SLC39A8: variants seen among roughly 807,000 people sequenced by gnomAD.
SLC39A8 encodes the protein metal cation symporter ZIP8.
Under a neutral mutation model 40.4 loss-of-function variants are expected in SLC39A8, and 15 were observed. That is an observed-to-expected ratio of 0.37 (90% confidence interval 0.25 to 0.57). The LOEUF is 0.57. Among genes scored for constraint, SLC39A8 ranks in the 20% least tolerant of loss-of-function variants. The probability of loss-of-function intolerance (pLI) is 0.75; values close to 1 mark genes in which losing one functional copy is unlikely to be tolerated. For missense variants in SLC39A8, 472 were observed against 558.8 expected, an observed-to-expected ratio of 0.84 and a Z score of 1.57; for synonymous variants, 223 against 221.6, an observed-to-expected ratio of 1.01 and a Z score of -0.06.
At chr4:102,255,944 A>T (rs956890629) in intron 11 of SLC39A8, among the ~76,000 whole-genome samples, 1 of 152,218 alleles carries the variant, frequency 6.6e-6, no homozygotes, top group Non-Finnish European at 1.5e-5. Flanking sequence ...GCATCCTTCT[A>T]CGAAATGCTT....
intron 2 of SLC39A8, among the ~76,000 whole-genome samples, chr4:102,328,510 T>G (rs1300928403): frequency 6.6e-6 from 1 of 152,146 alleles, no homozygotes; most frequent in Non-Finnish European, 1.5e-5. Context: ...GAATATTAAT[T>G]TAGAAGGTTA....
At chr4:102,297,516 G>C (rs1458052933) in intron 6 of SLC39A8, among the ~76,000 whole-genome samples, 2 of 152,058 alleles carry the variant, frequency 1.3e-5, no homozygotes, top group Non-Finnish European at 2.9e-5. Context: ...TGGGAAAGAA[G>C]GTTTGAGAAA....
At chr4:102,276,904 T>C (rs1156772379) in intron 6 of SLC39A8, among the ~76,000 whole-genome samples, 2 of 152,158 alleles carry the variant, frequency 1.3e-5, no homozygotes, top group Non-Finnish European at 2.9e-5. Context: ...ATTATCTCGA[T>C]AGATGCAGAA....
chr4:102,328,149 T>G (rs1735297901), intron 2 of SLC39A8, among the ~76,000 whole-genome samples: 1 of 132,090 alleles, frequency 7.6e-6, no homozygotes, highest in Non-Finnish European at 1.8e-5. Flanking sequence ...TTCTTTTAGG[T>G]TTTTTATGTG....
intron 3 of SLC39A8, among the ~76,000 whole-genome samples, chr4:102,310,794 C>T (rs375882943): frequency 7.1e-4 from 108 of 152,214 alleles, no homozygotes; most frequent in African/African-American, 2.2e-3. Context: ...CTTTCTCAAA[C>T]GATCTGTTTC....
intron 2 of SLC39A8, among the ~76,000 whole-genome samples, chr4:102,320,194 T>C (rs1361389000): frequency 3.0e-5 from 4 of 134,984 alleles, no homozygotes; most frequent in South Asian, 2.2e-4. Context: ...TATATATGTA[T>C]ATATATATGT....
At chr4:102,313,116 A>T (rs1033433740) in intron 3 of SLC39A8, among the ~76,000 whole-genome samples, 1 of 152,150 alleles carries the variant, frequency 6.6e-6, no homozygotes, top group African/African-American at 2.4e-5. Context: ...TATATTGATA[A>T]ATGATACTTG....
At chr4:102,253,740 C>T (rs1731646616) in intron 11 of SLC39A8, among the ~76,000 whole-genome samples, 1 of 151,442 alleles carries the variant, frequency 6.6e-6, no homozygotes, top group Non-Finnish European at 1.5e-5. Context: ...ATTCATAATC[C>T]CATCGAGATA....
intron 2 of SLC39A8, among the ~76,000 whole-genome samples, chr4:102,334,227 C>G (rs954837507): frequency 6.6e-6 from 1 of 152,180 alleles, no homozygotes; most frequent in Non-Finnish European, 1.5e-5. Flanking sequence ...GCACCGTGGC[C>G]TTGCTAATAC....
intron 6 of SLC39A8, among the ~76,000 whole-genome samples, chr4:102,289,686 C>T (rs1733336129): frequency 6.6e-6 from 1 of 151,928 alleles, no homozygotes; most frequent in South Asian, 2.1e-4. Flanking sequence ...TTCAAGAATC[C>T]AGTAAAGGAA....
intron 8 of SLC39A8, among the ~76,000 whole-genome samples, chr4:102,265,810 T>G (rs1444157969): frequency 1.3e-5 from 2 of 152,178 alleles, no homozygotes; most frequent in Non-Finnish European, 2.9e-5. Flanking sequence ...GGGATGGAAT[T>G]TACCTCATTT....
chr4:102,300,348 T>C (rs1175086082), intron 6 of SLC39A8, among the ~76,000 whole-genome samples: 2 of 152,104 alleles, frequency 1.3e-5, no homozygotes, highest in African/African-American at 4.8e-5. Flanking sequence ...CTATGATTTT[T>C]ATATGACTAA....
downstream of SLC39A8, among the ~76,000 whole-genome samples, chr4:102,256,788 G>A (rs1285810233): frequency 6.6e-6 from 1 of 152,198 alleles, no homozygotes; most frequent in Admixed American, 6.5e-5. Flanking sequence ...CACAGCCACA[G>A]GGGAAACAAA....
At chr4:102,320,168 CATATATATATATATATAT>C (rs70937533) in intron 2 of SLC39A8, among the ~76,000 whole-genome samples, 1 of 101,936 alleles carries the variant, frequency 9.8e-6, no homozygotes, top group African/African-American at 3.6e-5. Context: ...TATATATATA[CATATATATATATATATAT>C]ATATGTATAT....
chr4:102,323,566 G>A (rs1469335841), intron 2 of SLC39A8, among the ~76,000 whole-genome samples: 1 of 152,112 alleles, frequency 6.6e-6, no homozygotes, highest in Non-Finnish European at 1.5e-5. Flanking sequence ...ATAAGCAATA[G>A]TTATCATAAG....
At chr4:102,260,736 G>A (rs1731827085), downstream of SLC39A8, among the ~76,000 whole-genome samples, 1 of 152,158 alleles carries the variant, frequency 6.6e-6, no homozygotes, top group South Asian at 2.1e-4. Flanking sequence ...TAAACACAGT[G>A]CTACTGGCAT....
intron 11 of SLC39A8, among the ~76,000 whole-genome samples, chr4:102,253,840 T>C (rs578202365): frequency 5.3e-4 from 81 of 152,326 alleles, no homozygotes; most frequent in African/African-American, 1.9e-3. Flanking sequence ...GGCTATAGTG[T>C]GCGTACCGCT....
intron 2 of SLC39A8, chr4:102,324,400 G>GA (rs939334315): frequency 5.7e-4 from 83 of 145,780 alleles, no homozygotes; most frequent in South Asian, 2.7e-3. Context: ...GCTCAAGAAA[G>GA]AAAAAAAAAA....
chr4:102,277,001 A>G (rs371345486), intron 6 of SLC39A8, among the ~76,000 whole-genome samples: 10 of 152,182 alleles, frequency 6.6e-5, no homozygotes, highest in Admixed American at 3.3e-4. Flanking sequence ...CAATAATAAG[A>G]ACTATTTATG....
Sources: gnomAD v4.1 joint callset for allele counts (sites outside exome capture counted in the v4.1 genomes callset) on GRCh38, gnomAD v4.1.1 for gene constraint, MANE v1.5 for transcripts, NCBI Gene and HGNC (gene_info 2026-07-23, HGNC 2026-07-21) for gene names.